FANCC: variants seen among roughly 807,000 people sequenced by gnomAD.
FANCC encodes Fanconi anemia group C protein.
A neutral mutation model predicts 71.3 loss-of-function variants in FANCC; 55 were observed. The observed-to-expected ratio is 0.77, with a 90% CI of 0.62 to 0.97. FANCC has a LOEUF of 0.97. Ranked by LOEUF, FANCC falls within the 50% of genes least tolerant of loss-of-function variation. The pLI is 0.00. For synonymous variants in FANCC, 275 were observed against 244.9 expected, an observed-to-expected ratio of 1.12 and a Z score of -1.15; for missense variants, 678 against 670.9, an observed-to-expected ratio of 1.01 and a Z score of -0.12.
chr9:95,291,064 A>G (rs1033177548), intron 1 of FANCC, among the ~76,000 whole-genome samples: 1 of 152,240 alleles, frequency 6.6e-6, no homozygotes, highest in Non-Finnish European at 1.5e-5. Context: ...CAAATTAGGT[A>G]TAGAAGGAAT....
intron 4 of FANCC, among the ~76,000 whole-genome samples, chr9:95,191,444 T>C (rs1184924727): frequency 2.0e-5 from 3 of 150,704 alleles, no homozygotes. Context: ...GCAATCCTCT[T>C]GCCTCCCAAA....
At chr9:95,139,240 G>A (rs769533275) in intron 7 of FANCC, among the ~76,000 whole-genome samples, 4 of 152,166 alleles carry the variant, frequency 2.6e-5, no homozygotes, top group Non-Finnish European at 4.4e-5. Context: ...ACGCACCGAC[G>A]TGGTCTCAGT....
chr9:95,240,831 C>G (rs1286540101), intron 3 of FANCC, 88 bp from the exon 4 acceptor site: 6 of 782,920 alleles, frequency 7.7e-6, no homozygotes, highest in African/African-American at 1.7e-5. Flanking sequence ...AGGAAAATCT[C>G]AAACTACTAA....
intron 1 of FANCC, among the ~76,000 whole-genome samples, chr9:95,271,907 T>A (rs920111007): frequency 1.4e-5 from 2 of 138,088 alleles, no homozygotes; most frequent in African/African-American, 5.2e-5. Flanking sequence ...CCCTCTTCCA[T>A]CAATCCCATC....
intron 7 of FANCC, among the ~76,000 whole-genome samples, chr9:95,144,346 A>G (rs1432655775): frequency 2.6e-5 from 4 of 152,180 alleles, no homozygotes; most frequent in African/African-American, 9.6e-5. Context: ...TCCCTTATGG[A>G]TTAGCAGACA....
intron 6 of FANCC, among the ~76,000 whole-genome samples, chr9:95,159,219 T>A (rs1215389406): frequency 6.6e-6 from 1 of 152,176 alleles, no homozygotes; most frequent in East Asian, 1.9e-4. Context: ...GGTGTGATGT[T>A]CCCCACCCTG....
At chr9:95,194,464 A>G (rs1331020507) in intron 4 of FANCC, among the ~76,000 whole-genome samples, 2 of 152,192 alleles carry the variant, frequency 1.3e-5, no homozygotes, top group Admixed American at 1.3e-4. Context: ...TGTTCCTACC[A>G]AAAATGCATG....
intron 4 of FANCC, among the ~76,000 whole-genome samples, chr9:95,237,043 G>A (rs1033884664): frequency 6.6e-6 from 1 of 152,054 alleles, no homozygotes; most frequent in Non-Finnish European, 1.5e-5. Flanking sequence ...ACTGATGATG[G>A]GCAATGTAAT....
Position 95,270,444 on chromosome 9 carries a change from A to C in FANCC, c.-78-21075T>G, listed in dbSNP as rs1012970056. On this transcript the variant is annotated intron_variant, in intron 1 of 14. Transcript: ENST00000289081. ...ACTTTGGAAATCATAAAAACTTCAAAACAGCAAATGTGTCTATACTCTGTT... is the reference window on the plus strand; with the variant it reads ...ACTTTGGAAATCATAAAAACTTCAACACAGCAAATGTGTCTATACTCTGTT... Among the ~76,000 whole-genome samples, 13 of 152,354 alleles carry C rather than the reference A, an allele frequency of 8.5e-5. No individual in the cohort carries two copies. In the East Asian group the frequency reaches 2.5e-3, roughly 29 times the overall value.
intron 13 of FANCC, chr9:95,109,465 T>C (rs1433248920): frequency 6.6e-6 from 1 of 152,162 alleles, no homozygotes; most frequent in Non-Finnish European, 1.5e-5. Flanking sequence ...TTCCTTTTTT[T>C]CTCTAGGCAT....
At chr9:95,268,238 T>C (rs1376176413) in intron 1 of FANCC, among the ~76,000 whole-genome samples, 1 of 152,246 alleles carries the variant, frequency 6.6e-6, no homozygotes, top group African/African-American at 2.4e-5. Flanking sequence ...TCACTCTGGA[T>C]TTAAATTTAT....
intron 11 of FANCC, among the ~76,000 whole-genome samples, chr9:95,115,041 A>G (rs2072276594): frequency 6.6e-6 from 1 of 152,154 alleles, no homozygotes; most frequent in African/African-American, 2.4e-5. Context: ...CCTGGGCTCA[A>G]GCGATCTTCC....
At chr9:95,253,285 A>T (rs1423182587) in intron 1 of FANCC, among the ~76,000 whole-genome samples, 1 of 152,130 alleles carries the variant, frequency 6.6e-6, no homozygotes, top group East Asian at 1.9e-4. Flanking sequence ...ACCCTGTGCC[A>T]TCGGCCACAT....
chr9:95,194,732 T>C (rs1399290464), intron 4 of FANCC, among the ~76,000 whole-genome samples: 1 of 152,216 alleles, frequency 6.6e-6, no homozygotes, highest in African/African-American at 2.4e-5. Flanking sequence ...TTGAGATTTC[T>C]TGATTATCTA....
intron 6 of FANCC, among the ~76,000 whole-genome samples, chr9:95,151,413 T>A (rs1231603648): frequency 6.6e-6 from 1 of 152,248 alleles, no homozygotes; most frequent in Admixed American, 6.5e-5. Context: ...TTTAGTCTTG[T>A]GTTTTGTGAA....
At chr9:95,295,546 A>C (rs1462867800) in intron 1 of FANCC, among the ~76,000 whole-genome samples, 2 of 152,130 alleles carry the variant, frequency 1.3e-5, no homozygotes, top group Admixed American at 1.3e-4. Flanking sequence ...ACAATAAGAG[A>C]GGATCATCTG....
Position 95,119,441 on chromosome 9 carries a change from C to G in FANCC, c.997-2051G>C, listed in dbSNP as rs12350104. On this transcript the variant is annotated intron_variant, in intron 10 of 14. Coordinates refer to ENST00000289081, the MANE Select transcript of FANCC (RefSeq NM_000136.3). ...AGTGCAGTGGTGTGATCTTGGCTCC[C>G]TGCAACCTCCACCTCCCAGGTTCAA... Among the ~76,000 whole-genome samples the G allele has an allele frequency of 2.5e-3, 376 of 150,652 alleles. 2 individuals are homozygous for G. Among genetic ancestry groups the G allele is most frequent in the Middle Eastern group, 3.4e-3 (1 of 292 alleles).
chr9:95,314,161 G>C (rs1399055665), intron 1 of FANCC, among the ~76,000 whole-genome samples: 1 of 152,206 alleles, frequency 6.6e-6, no homozygotes, highest in Admixed American at 6.5e-5. Context: ...GCATGATGCC[G>C]TATGTAGAAA....
intron 1 of FANCC, among the ~76,000 whole-genome samples, chr9:95,264,060 C>A (rs1832235778): frequency 6.6e-6 from 1 of 152,202 alleles, no homozygotes; most frequent in Non-Finnish European, 1.5e-5. Context: ...ATACTGCAAA[C>A]AGCAAAGAAG....
Sources: gnomAD v4.1 joint callset for allele counts (sites outside exome capture counted in the v4.1 genomes callset) on GRCh38, gnomAD v4.1.1 for gene constraint, MANE v1.5 for transcripts, NCBI Gene and HGNC (gene_info 2026-07-23, HGNC 2026-07-21) for gene names.